RP1: variants seen among roughly 807,000 people sequenced by gnomAD.
RP1 encodes the protein RP1 axonemal microtubule associated.
A neutral mutation model predicts 14.8 loss-of-function variants in RP1; 16 were observed. The ratio of observed to expected loss-of-function variants is 1.08; its 90% CI spans 0.73 to 1.65. The LOEUF (loss-of-function observed/expected upper bound fraction) is 1.65. Among genes scored for constraint, RP1 ranks in the 40% most tolerant of loss-of-function variants. RP1 has a pLI of 0.00. For missense variants in RP1, 2,631 were observed against 2,535.0 expected, an observed-to-expected ratio of 1.04 and a Z score of -0.81; for synonymous variants, 876 against 883.6, an observed-to-expected ratio of 0.99 and a Z score of 0.15.
At chr8:54,816,112 A>G (rs1418604969) in intron 24 of RP1, among the ~76,000 whole-genome samples, 1 of 152,172 alleles carries the variant, frequency 6.6e-6, no homozygotes, top group Non-Finnish European at 1.5e-5. Flanking sequence ...TAGATTCTTA[A>G]AAATAAAACC....
rs1377226381 is a variant in RP1 at position 54,682,331 on chromosome 8, G to C, written c.1717+2398G>C. Among the ~76,000 whole-genome samples, 4 of 151,420 alleles carry C rather than the reference G, an allele frequency of 2.6e-5. No individual in the cohort carries two copies. In the South Asian group the frequency reaches 8.3e-4, roughly 32 times the overall value. Reference sequence around the variant, plus strand: ...AGGTATACATGTGCCTTGGTGGTTTGCTGCACCTATCAACCCATCACCTAG... The same window carrying C: ...AGGTATACATGTGCCTTGGTGGTTTCCTGCACCTATCAACCCATCACCTAG... On this transcript the variant is annotated intron_variant, in intron 12 of 22. Coordinates refer to the RP1 transcript ENST00000636932.
At chr8:54,867,154 C>G (rs569608950) in intron 28 of RP1, among the ~76,000 whole-genome samples, 1 of 152,246 alleles carries the variant, frequency 6.6e-6, no homozygotes, top group South Asian at 2.1e-4. Context: ...GAGGGACACT[C>G]TTCAGATATG....
chr8:54,792,552 A>G (rs1810490928), intron 24 of RP1, among the ~76,000 whole-genome samples: 1 of 147,374 alleles, frequency 6.8e-6, no homozygotes, highest in Non-Finnish European at 1.5e-5. Context: ...AATGACAGGA[A>G]AAAAATTGGA....
chr8:54,792,725 T>A (rs1248506884), intron 24 of RP1, among the ~76,000 whole-genome samples: 2 of 151,828 alleles, frequency 1.3e-5, no homozygotes, highest in Non-Finnish European at 3.0e-5. Context: ...TGTAAATGGC[T>A]ACATTATGAA....
intron 12 of RP1, chr8:54,696,526 A>T (rs1807867253): frequency 1.3e-6 from 1 of 790,778 alleles, no homozygotes; most frequent in South Asian, 1.4e-5. Context: ...AGCAGAGGAA[A>T]GGAAAAGGGC....
intron 26 of RP1, among the ~76,000 whole-genome samples, chr8:54,856,753 T>C (rs1812208548): frequency 6.6e-6 from 1 of 152,184 alleles, no homozygotes; most frequent in East Asian, 1.9e-4. Context: ...CTGTTATTAT[T>C]AGTAAGAGTA....
chr8:54,598,395 T>G (rs1295458730), intron 1 of RP1, among the ~76,000 whole-genome samples: 1 of 152,200 alleles, frequency 6.6e-6, no homozygotes, highest in East Asian at 1.9e-4. Context: ...GTGTAGCCCT[T>G]TAATTCTCTT....
At position 54,630,673 on chromosome 8, in the gene RP1, C is replaced by T. The variant is rs372536088; in HGVS notation, c.*320C>T. 6.3e-6 allele frequency: 7 copies of T among 1,111,582 alleles called. No homozygotes were observed. The highest frequency in any genetic ancestry group is 6.8e-5 in the East Asian group (1 of 14,654). The allele number at this position is 1,111,582 out of a possible 1,614,324, so 68.9% of individuals were successfully genotyped here. On this transcript the variant is annotated 3_prime_UTR_variant, in exon 4 of 4. Transcript: ENST00000220676. ...AATGTGCTAAGGACAAGAATTATATCCTTTTTAAAAAATGTTGTTAGCTTG... is the reference window on the plus strand; with the variant it reads ...AATGTGCTAAGGACAAGAATTATATTCTTTTTAAAAAATGTTGTTAGCTTG...
chr8:54,749,079 G>C lies in RP1; in HGVS notation c.2809-5724G>C, dbSNP rs563041219. ...AAGATAAGATTATTTTATTTATTTT[G>C]TTTAGGATTAAATACAATTTGTGAA... On this transcript the variant is annotated intron_variant, in intron 19 of 22. Coordinates refer to the RP1 transcript ENST00000636932. Among the ~76,000 whole-genome samples, 244 of 152,122 alleles carry C rather than the reference G, an allele frequency of 1.6e-3. 2 individuals are homozygous for C. Among genetic ancestry groups the C allele is most frequent in the Non-Finnish European group, 3.0e-3 (203 of 67,980 alleles).
intron 27 of RP1, among the ~76,000 whole-genome samples, chr8:54,859,165 G>T (rs1386023828): frequency 1.3e-5 from 2 of 151,874 alleles, no homozygotes; most frequent in African/African-American, 4.8e-5. Context: ...TCAGTGTGGA[G>T]TGGTATCACT....
chr8:54,807,632 G>GTCTATCTATCTA (rs145286591), intron 24 of RP1, among the ~76,000 whole-genome samples: 11 of 124,964 alleles, frequency 8.8e-5, no homozygotes, highest in Non-Finnish European at 1.5e-4. Flanking sequence ...CTGTCTGTCT[G>GTCTATCTATCTA]TCTATCTATC....
At chr8:54,809,099 T>A (rs909798338) in intron 24 of RP1, among the ~76,000 whole-genome samples, 3 of 152,092 alleles carry the variant, frequency 2.0e-5, no homozygotes, top group Non-Finnish European at 4.4e-5. Context: ...AATTTAGCTA[T>A]TTTTTCCTGT....
At chr8:54,705,819 C>CTTTTT (rs71554175) in intron 14 of RP1, among the ~76,000 whole-genome samples, 1 of 141,306 alleles carries the variant, frequency 7.1e-6, no homozygotes, top group Non-Finnish European at 1.5e-5. Flanking sequence ...CCAATTTTAG[C>CTTTTT]TTTTTTTTTT....
At chr8:54,751,020 C>A (rs528833716) in intron 19 of RP1, among the ~76,000 whole-genome samples, 1 of 152,304 alleles carries the variant, frequency 6.6e-6, no homozygotes, top group South Asian at 2.1e-4. Context: ...CACAATAAAT[C>A]TTGCTGCTGC....
intron 27 of RP1, among the ~76,000 whole-genome samples, chr8:54,858,318 G>C (rs997205547): frequency 2.0e-5 from 3 of 152,188 alleles, no homozygotes; most frequent in African/African-American, 7.2e-5. Context: ...AAATAGAATA[G>C]AGGAAGGAAT....
intron 24 of RP1, among the ~76,000 whole-genome samples, chr8:54,789,228 C>T (rs915785985): frequency 1.3e-5 from 2 of 152,212 alleles, no homozygotes; most frequent in African/African-American, 4.8e-5. Flanking sequence ...AGAGCTTAGT[C>T]AGTGTCTCTG....
At chr8:54,843,291 A>C (rs1457415462) in intron 25 of RP1, among the ~76,000 whole-genome samples, 1 of 152,182 alleles carries the variant, frequency 6.6e-6, no homozygotes, top group Non-Finnish European at 1.5e-5. Flanking sequence ...CACGTTGGCC[A>C]GGCTGGTCTC....
At position 54,630,053 on chromosome 8, in the gene RP1, G is replaced by A; in HGVS notation, c.6171G>A (p.Gln2057=). ...CAAATACACAAGACCTCAGCGGTCA[G>A]ACAAATGAAATCTTTAAAGCAGTCG... The part of the protein sequence containing the change: ...VDSNTQDLSG[Q]TNEIFKAVDE... Residue 2057 remains glutamine, a synonymous_variant, in exon 4 of 4, where the codon CAG becomes CAA. Coordinates refer to ENST00000220676, the MANE Select transcript of RP1 (RefSeq NM_006269.2). 1.9e-6 allele frequency: 3 copies of A among 1,613,984 alleles called. No individual in the cohort carries two copies. The highest frequency in any genetic ancestry group is 2.5e-6 in the Non-Finnish European group (3 of 1,179,938).
intron 17 of RP1, among the ~76,000 whole-genome samples, chr8:54,729,344 C>T (rs912420181): frequency 6.6e-6 from 1 of 152,090 alleles, no homozygotes; most frequent in African/African-American, 2.4e-5. Context: ...CCAGGCAAAT[C>T]CTAATCTGTG....
Sources: allele counts gnomAD v4.1 joint callset (sites outside exome capture counted in the v4.1 genomes callset), GRCh38; gene constraint gnomAD v4.1.1; transcripts MANE v1.5; gene names NCBI Gene and HGNC (gene_info 2026-07-23, HGNC 2026-07-21).